THOC1: variants seen among roughly 807,000 people sequenced by gnomAD.
THOC1 encodes THO complex 1.
In THOC1, 29 loss-of-function variants were observed where a neutral mutation model predicts 97.3. The ratio of observed to expected loss-of-function variants is 0.30; its 90% CI spans 0.22 to 0.41. The LOEUF (loss-of-function observed/expected upper bound fraction) is 0.41, where lower values mean the gene tolerates loss of function less well. Among genes scored for constraint, THOC1 ranks in the 10% least tolerant of loss-of-function variants. The pLI is 1.00. For synonymous variants in THOC1, 255 were observed against 257.0 expected (o/e 0.99, Z 0.07); for missense variants, 529 against 761.9 (o/e 0.69, Z 3.60).
At chr18:241,306 A>G (rs1458825392) in intron 11 of THOC1, among the ~76,000 whole-genome samples, 1 of 152,102 alleles carries the variant, frequency 6.6e-6, no homozygotes, top group African/African-American at 2.4e-5. Flanking sequence ...TAAAGATTCA[A>G]CCTCTCAAAT....
In THOC1 at chr18:267,999, G is replaced by A; in HGVS notation, c.21C>T (p.Leu7=). 2 of 1,609,896 alleles carry A rather than the reference G, an allele frequency of 1.2e-6. No homozygotes were observed. The highest frequency in any genetic ancestry group is 1.7e-6 in the Non-Finnish European group (2 of 1,178,482). The change falls in exon 1 of 21, where the codon CTC becomes CTT. Residue 7 remains leucine (L), a synonymous_variant. Coordinates refer to ENST00000261600, the MANE Select transcript of THOC1 (RefSeq NM_005131.3). Reference sequence around the variant, plus strand: ...GCGTCCGCGCTTCGGGCAAACTGAAGAGCGGCGGCGTCGGAGACATCTTCT... The same window carrying A: ...GCGTCCGCGCTTCGGGCAAACTGAAAAGCGGCGGCGTCGGAGACATCTTCT... MSPTPP[L]FSLPEARTRF...
chr18:261,427 T>C (rs776561317), intron 4 of THOC1, among the ~76,000 whole-genome samples: 45 of 152,162 alleles, frequency 3.0e-4, no homozygotes, highest in Non-Finnish European at 4.9e-4. Context: ...TAAGATCATA[T>C]CTGGAATGCG....
Position 224,160 on chromosome 18 carries a change from T to C in THOC1, c.1228A>G (p.Thr410Ala). The C allele has an allele frequency of 6.2e-7, 1 of 1,609,812 alleles. No homozygotes were observed. Among genetic ancestry groups the C allele is most frequent in the South Asian group, 1.1e-5 (1 of 89,996 alleles). ...GCTGTTCTCTTCCGAATTATTCTCG[T>C]AGGTTTGGTATCTGATGTTCTGTCG... ...VKERTSDTKP[T>A]RIIRKRTAPE... is the part of the protein sequence containing the mutation. Residue 410 changes from threonine to alanine, a missense_variant, in exon 16 of 21, where the codon ACG becomes GCG. Transcript: ENST00000261600.
intron 18 of THOC1, among the ~76,000 whole-genome samples, chr18:218,304 G>A (rs1396298650): frequency 1.3e-5 from 2 of 152,158 alleles, no homozygotes; most frequent in Non-Finnish European, 2.9e-5. Flanking sequence ...TATGCATTCT[G>A]ACCAGAGGCC....
intron 3 of THOC1, among the ~76,000 whole-genome samples, chr18:264,776 A>G (rs1470698685): frequency 6.6e-6 from 1 of 152,248 alleles, no homozygotes; most frequent in African/African-American, 2.4e-5. Context: ...TGCTTGACCA[A>G]GAATAAACTG....
At chr18:236,995 G>A (rs990068346) in intron 11 of THOC1, among the ~76,000 whole-genome samples, 3 of 151,866 alleles carry the variant, frequency 2.0e-5, no homozygotes, top group African/African-American at 7.3e-5. Context: ...GTAGGCAAGA[G>A]GGTAGTCTTT....
chr18:249,174 C>T (rs910144158), intron 9 of THOC1, among the ~76,000 whole-genome samples: 3 of 152,192 alleles, frequency 2.0e-5, no homozygotes, highest in African/African-American at 7.2e-5. Context: ...CTTGCCAAAG[C>T]TTTCATCATG....
intron 16 of THOC1, 27 bp from the exon 17 acceptor site, chr18:223,532 C>A: frequency 6.6e-7 from 1 of 1,526,664 alleles, no homozygotes; most frequent in Non-Finnish European, 8.9e-7. Context: ...GAAATAAATA[C>A]ATTTTTTATG....
intron 9 of THOC1, among the ~76,000 whole-genome samples, chr18:248,791 C>T (rs957210042): frequency 2.6e-5 from 4 of 151,914 alleles, no homozygotes; most frequent in Admixed American, 6.6e-5. Flanking sequence ...CACTCTGTTG[C>T]CCAGACTGGA....
At chr18:229,855 CCCTT>C (rs1911423659) in intron 11 of THOC1, among the ~76,000 whole-genome samples, 2 of 152,226 alleles carry the variant, frequency 1.3e-5, no homozygotes, top group South Asian at 2.1e-4. Flanking sequence ...CTCCTCTTCT[CCCTT>C]CATTCTCCCT....
At chr18:260,138 G>T in intron 5 of THOC1, 48 bp downstream of exon 5, 1 of 1,212,340 alleles carries the variant, frequency 8.2e-7, no homozygotes, top group Non-Finnish European at 1.1e-6. Flanking sequence ...CAGAATTCTG[G>T]ATCTATAGAA....
chr18:240,631 C>T (rs1334330581), intron 11 of THOC1, among the ~76,000 whole-genome samples: 2 of 152,158 alleles, frequency 1.3e-5, no homozygotes, highest in African/African-American at 4.8e-5. Context: ...CAGCAAAAGA[C>T]TTCTAAAGCA....
chr18:265,483 T>C lies in THOC1; in HGVS notation c.102A>G (p.Leu34=). The change falls in exon 2 of 21, where the codon TTA becomes TTG. Residue 34 remains leucine, a synonymous_variant. Coordinates refer to ENST00000261600, the MANE Select transcript of THOC1 (RefSeq NM_005131.3). ...ALNNKNIKPL[L]STFSQVPGSE... The stretch of plus-strand genomic sequence containing the variant: ...TGCCAGGTACCTGGCTGAAGGTACT[T>C]AACAATGGCTTGATGTTTTTGTTGT... 1 of 1,597,786 alleles carries C rather than the reference T, an allele frequency of 6.3e-7. No individual in the cohort carries two copies. The highest frequency in any genetic ancestry group is 8.5e-7 in the Non-Finnish European group (1 of 1,171,830).
intron 9 of THOC1, among the ~76,000 whole-genome samples, chr18:251,660 C>T (rs1044717744): frequency 5.9e-5 from 9 of 152,106 alleles, no homozygotes; most frequent in African/African-American, 1.9e-4. Context: ...TAGTCAGATT[C>T]CCTCCTGCAT....
chr18:232,520 C>T (rs1397273674), intron 11 of THOC1, among the ~76,000 whole-genome samples: 1 of 151,552 alleles, frequency 6.6e-6, no homozygotes, highest in Non-Finnish European at 1.5e-5. Flanking sequence ...TGCTTGTGAA[C>T]ATTGACACTG....
chr18:231,179 G>T (rs774072497), intron 11 of THOC1, among the ~76,000 whole-genome samples: 7 of 152,076 alleles, frequency 4.6e-5, no homozygotes, highest in Non-Finnish European at 7.4e-5. Flanking sequence ...GAACTCCTAG[G>T]CCCAAGTGAT....
rs750764568 is a variant in THOC1, at chr18:265,551, C to A, written c.55-21G>T. ...GACTTCTAAAAAAAAATTAAAATGG[C>A]AAATAATTGTAAAGATTTTGCTTAT... On this transcript the variant is annotated intron_variant, in intron 1 of 20. Coordinates refer to ENST00000261600, the MANE Select transcript of THOC1 (RefSeq NM_005131.3). 14 of 1,525,568 alleles carry A rather than the reference C, an allele frequency of 9.2e-6. 1 individual carries two copies. The South Asian group carries it at 1.7e-4, about 19-fold the overall frequency. 94.5% of individuals were successfully genotyped at this position (1,525,568 alleles called of 1,614,324 possible).
In THOC1 at chr18:267,999, G is replaced by C. The variant is rs748241705; in HGVS notation, c.21C>G (p.Leu7=). The C allele has an allele frequency of 1.9e-6, 3 of 1,609,780 alleles. No homozygotes were observed. The highest frequency in any genetic ancestry group is 2.2e-5 in the East Asian group (1 of 44,758). ...GCGTCCGCGCTTCGGGCAAACTGAAGAGCGGCGGCGTCGGAGACATCTTCT... is the reference window on the plus strand; with the variant it reads ...GCGTCCGCGCTTCGGGCAAACTGAACAGCGGCGGCGTCGGAGACATCTTCT... MSPTPP[L]FSLPEARTRF... The change falls in exon 1 of 21, where the codon CTC becomes CTG. Residue 7 remains leucine, a synonymous_variant. Transcript: ENST00000261600.
intron 9 of THOC1, among the ~76,000 whole-genome samples, chr18:252,175 G>C (rs1329992696): frequency 6.6e-6 from 1 of 152,162 alleles, no homozygotes; most frequent in South Asian, 2.1e-4. Flanking sequence ...AGGAGGAAAG[G>C]CTTCTTAACT....
Sources: allele counts gnomAD v4.1 joint callset (sites outside exome capture counted in the v4.1 genomes callset), GRCh38; gene constraint gnomAD v4.1.1; transcripts MANE v1.5; gene names NCBI Gene and HGNC (gene_info 2026-07-23, HGNC 2026-07-21).